Variants in CUL5 observed in about 807,000 individuals in gnomAD.
CUL5 encodes the protein cullin-5.
A neutral mutation model predicts 108.8 loss-of-function variants in CUL5; 26 were observed. The ratio of observed to expected loss-of-function variants is 0.24; its 90% CI spans 0.18 to 0.33. The LOEUF is 0.33. Among genes scored for constraint, CUL5 ranks in the 10% least tolerant of loss-of-function variants. CUL5 has a pLI of 1.00. For missense variants in CUL5, 524 were observed against 909.2 expected (o/e 0.58, Z 5.45); for synonymous variants, 334 against 298.0 (o/e 1.12, Z -1.25).
chr11:108,023,800 T>G (rs911647452), intron 1 of CUL5, among the ~76,000 whole-genome samples: 11 of 152,234 alleles, frequency 7.2e-5, no homozygotes, highest in African/African-American at 2.7e-4. Flanking sequence ...AAAATACAAG[T>G]ATTGCTAGAA....
intron 8 of CUL5, 143 bp downstream of exon 8, chr11:108,070,332 G>A: frequency 3.7e-6 from 2 of 537,812 alleles, no homozygotes; most frequent in Non-Finnish European, 6.6e-6. Flanking sequence ...TAAGGAAATA[G>A]ATAAAATATT....
In CUL5 at chr11:108,104,465, G is replaced by GCACATTTGGAAA. The variant is rs2135258091; in HGVS notation, c.*81_*82insCACATTTGGAAA. 1.2e-6 allele frequency: 1 copy of GCACATTTGGAAA among 837,238 alleles called. No individual in the cohort carries two copies. The highest frequency in any genetic ancestry group is 1.8e-6 in the Non-Finnish European group (1 of 549,628). 51.9% of individuals were successfully genotyped at this position (837,238 alleles called of 1,614,324 possible). A position where few individuals can be genotyped will look rare whatever the true frequency, so the allele number is the denominator to read the frequency against. On this transcript the variant is annotated 3_prime_UTR_variant, in exon 19 of 19. Coordinates refer to ENST00000393094, the MANE Select transcript of CUL5 (RefSeq NM_003478.6). ...AGTTGTAAAGTTTGTGCTGGAGAAA[G>GCACATTTGGAAA]GTTTATTTGGACTTTGATTACATAA...
In CUL5 at chr11:108,081,054, A is replaced by G. The variant is rs567442465; in HGVS notation, c.1178+2814A>G. On this transcript the variant is annotated intron_variant, in intron 11 of 18. Transcript: ENST00000393094. ...GTAATCCCAGCACTTTGGGAGGCCA[A>G]AGCGGGTGGATCACTTGAGGTCAGG... 1.3e-4 allele frequency among the ~76,000 whole-genome samples: 20 copies of G among 152,224 alleles called. No individual in the cohort carries two copies. In the East Asian group the frequency reaches 3.5e-3, roughly 27 times the overall value.
At chr11:108,025,707 C>G (rs1862435661) in intron 1 of CUL5, among the ~76,000 whole-genome samples, 1 of 152,136 alleles carries the variant, frequency 6.6e-6, no homozygotes, top group African/African-American at 2.4e-5. Context: ...TTACAGTTTT[C>G]TCACACCCAG....
chr11:108,021,578 G>A (rs995344198), intron 1 of CUL5, among the ~76,000 whole-genome samples: 3 of 152,126 alleles, frequency 2.0e-5, no homozygotes, highest in African/African-American at 7.2e-5. Context: ...TTGAATTCCC[G>A]AGCTTAAGCA....
At chr11:108,050,567 C>G (rs940375921) in intron 4 of CUL5, among the ~76,000 whole-genome samples, 6 of 152,060 alleles carry the variant, frequency 3.9e-5, no homozygotes, top group African/African-American at 9.7e-5. Flanking sequence ...CAGGTTTCAC[C>G]ATGTTGGCCA....
At chr11:108,076,586 G>A (rs983333393) in intron 10 of CUL5, among the ~76,000 whole-genome samples, 4 of 151,956 alleles carry the variant, frequency 2.6e-5, no homozygotes, top group African/African-American at 7.3e-5. Flanking sequence ...CCAGGCTTCC[G>A]TCATATATAT....
chr11:108,015,846 A>T (rs142779232), intron 1 of CUL5, among the ~76,000 whole-genome samples: 170 of 152,314 alleles, frequency 1.1e-3, no homozygotes, highest in Non-Finnish European at 1.9e-3. Context: ...TCAGTAGATT[A>T]GAGGAGGGGA....
chr11:108,069,355 T>C (rs576768858), intron 7 of CUL5, among the ~76,000 whole-genome samples: 7 of 152,304 alleles, frequency 4.6e-5, no homozygotes, highest in South Asian at 2.1e-4. Context: ...ATTCATAATC[T>C]GGTTGCAGCC....
At chr11:108,040,438 C>A (rs567074105) in intron 2 of CUL5, among the ~76,000 whole-genome samples, 1 of 152,130 alleles carries the variant, frequency 6.6e-6, no homozygotes, top group South Asian at 2.1e-4. Context: ...ATGGTAAAAC[C>A]CTGTCTTTAC....
At position 108,078,443 on chromosome 11, in the gene CUL5, TA is replaced by T. The variant is rs375302722; in HGVS notation, c.1178+213del. Among the ~76,000 whole-genome samples the T allele has an allele frequency of 2.6e-3, 392 of 149,292 alleles. 1 individual carries two copies. The highest frequency in any genetic ancestry group is 8.5e-3 in the African/African-American group (348 of 40,952). The stretch of plus-strand genomic sequence containing the variant: ...CAAAAATTGACTTTATTTTTTCAGG[TA>T]AAAAAAAAATATTCCTAATCTTTTA... On this transcript the variant is annotated intron_variant, in intron 11 of 18. Coordinates refer to ENST00000393094, the MANE Select transcript of CUL5 (RefSeq NM_003478.6).
At chr11:108,042,068 A>G (rs1862932595) in intron 2 of CUL5, among the ~76,000 whole-genome samples, 1 of 152,196 alleles carries the variant, frequency 6.6e-6, no homozygotes, top group Non-Finnish European at 1.5e-5. Context: ...CATGATAAAT[A>G]TAATAGGACT....
rs896666221 is a variant in CUL5, at chr11:108,009,045, T to G, written c.-304T>G. ...TCGGGGAGGCTCGTGGAGTCGATGC[T>G]TCCTCTTCCAAGTCAGGTCGGCTCC... On this transcript the variant is annotated 5_prime_UTR_variant, in exon 1 of 19. Transcript: ENST00000393094. The G allele has an allele frequency of 1.3e-5, 6 of 467,810 alleles. No individual in the cohort carries two copies. In the Admixed American group the frequency reaches 2.3e-4, roughly 18 times the overall value. The allele number at this position is 467,810 out of a possible 1,614,324, so 29.0% of individuals were successfully genotyped here.
intron 13 of CUL5, among the ~76,000 whole-genome samples, chr11:108,091,009 TTAC>T (rs1318920940): frequency 1.3e-5 from 2 of 152,140 alleles, no homozygotes; most frequent in Non-Finnish European, 2.9e-5. Flanking sequence ...TAATACATAT[TTAC>T]TACGAGAAAC....
In CUL5 at chr11:108,023,099, C is replaced by T. The variant is rs180687923; in HGVS notation, c.25-10703C>T. On this transcript the variant is annotated intron_variant, in intron 1 of 18. Transcript: ENST00000393094. Reference sequence around the variant, plus strand: ...CCCCACCTCTACTAAAAAAAATAGCCGGGCATGGTGGCACATGCCTGTAAT... The same window carrying T: ...CCCCACCTCTACTAAAAAAAATAGCTGGGCATGGTGGCACATGCCTGTAAT... Among the ~76,000 whole-genome samples the T allele has an allele frequency of 2.6e-3, 388 of 152,114 alleles. 3 individuals are homozygous for T. The highest frequency in any genetic ancestry group is 8.6e-3 in the African/African-American group (355 of 41,498).
intron 1 of CUL5, among the ~76,000 whole-genome samples, chr11:108,016,253 GTCTTC>G (rs989172771): frequency 2.1e-4 from 32 of 149,478 alleles, no homozygotes; most frequent in Middle Eastern, 3.4e-3. Context: ...TTCTCTTCTC[GTCTTC>G]TCTTCTCTTC....
chr11:108,034,211 A>G (rs1862668761), intron 2 of CUL5, among the ~76,000 whole-genome samples: 1 of 152,182 alleles, frequency 6.6e-6, no homozygotes, highest in Non-Finnish European at 1.5e-5. Context: ...CATGCTTCCA[A>G]GAAGAGTCCT....
At chr11:108,041,017 T>G (rs1040436534) in intron 2 of CUL5, among the ~76,000 whole-genome samples, 1 of 152,218 alleles carries the variant, frequency 6.6e-6, no homozygotes, top group African/African-American at 2.4e-5. Flanking sequence ...CAAAAGTGAT[T>G]TGAGTACGGC....
intron 7 of CUL5, among the ~76,000 whole-genome samples, chr11:108,063,211 C>A (rs1314001010): frequency 1.3e-5 from 2 of 152,088 alleles, no homozygotes; most frequent in South Asian, 4.2e-4. Context: ...ACTACCCTAC[C>A]CAGCATCTGG....
Sources: allele counts gnomAD v4.1 joint callset (sites outside exome capture counted in the v4.1 genomes callset), GRCh38; gene constraint gnomAD v4.1.1; transcripts MANE v1.5; gene names NCBI Gene and HGNC (gene_info 2026-07-23, HGNC 2026-07-21).